ZNF804B: variants seen among roughly 807,000 people sequenced by gnomAD.
The protein encoded by ZNF804B is zinc finger protein 804B.
A neutral mutation model predicts 101.4 loss-of-function variants in ZNF804B; 80 were observed. That is an observed-to-expected ratio of 0.79 (90% CI 0.66 to 0.95). The LOEUF (loss-of-function observed/expected upper bound fraction) is 0.95. Among genes scored for constraint, ZNF804B ranks in the 40% least tolerant of loss-of-function variants. The pLI is 0.00. For missense variants in ZNF804B, 1,673 were observed against 1,561.9 expected, an observed-to-expected ratio of 1.07 and a Z score of -1.20; for synonymous variants, 622 against 558.8, an observed-to-expected ratio of 1.11 and a Z score of -1.59.
chr7:89,024,019 T>C (rs996131652), intron 1 of ZNF804B, among the ~76,000 whole-genome samples: 2 of 152,218 alleles, frequency 1.3e-5, no homozygotes, highest in African/African-American at 4.8e-5. Context: ...ATCACATATG[T>C]TCTCCTACAT....
intron 1 of ZNF804B, among the ~76,000 whole-genome samples, chr7:89,166,373 T>C (rs990911852): frequency 1.3e-5 from 2 of 152,192 alleles, no homozygotes; most frequent in African/African-American, 4.8e-5. Flanking sequence ...AATAACAATA[T>C]ATTAACACAT....
intron 1 of ZNF804B, among the ~76,000 whole-genome samples, chr7:88,876,479 CA>C (rs1271253022): frequency 6.6e-6 from 1 of 152,102 alleles, no homozygotes; most frequent in East Asian, 1.9e-4. Context: ...TCCCTTTGAT[CA>C]AAATATCTGT....
chr7:89,336,447 A>G lies in ZNF804B; in HGVS notation c.3465A>G (p.Ile1155Met). 6.2e-7 allele frequency: 1 copy of G among 1,614,086 alleles called. No individual in the cohort carries two copies. Among genetic ancestry groups the G allele is most frequent in the South Asian group, 1.1e-5 (1 of 91,084 alleles). The change falls in exon 4 of 4, where the codon ATA (isoleucine) becomes ATG (methionine). Residue 1155 changes from isoleucine (I) to methionine (M), a missense_variant. Coordinates refer to ENST00000333190, the MANE Select transcript of ZNF804B (RefSeq NM_181646.5). ...QQPITFSPDE[I>M]DKYKILQLQA... ...CCATAACATTTTCTCCTGACGAAAT[A>G]GATAAATATAAGATCCTACAGCTAC...
intron 1 of ZNF804B, among the ~76,000 whole-genome samples, chr7:88,956,696 A>T (rs1793315729): frequency 6.6e-6 from 1 of 151,498 alleles, no homozygotes; most frequent in Admixed American, 6.6e-5. Context: ...CAAGGAACAC[A>T]GAAAAAATAT....
At chr7:89,302,793 G>A (rs1032337754) in intron 2 of ZNF804B, among the ~76,000 whole-genome samples, 2 of 151,846 alleles carry the variant, frequency 1.3e-5, no homozygotes, top group Non-Finnish European at 2.9e-5. Flanking sequence ...TTCCCTTCAA[G>A]CACTGTAGCT....
chr7:89,140,451 A>G (rs1164171387), intron 1 of ZNF804B, among the ~76,000 whole-genome samples: 1 of 152,090 alleles, frequency 6.6e-6, no homozygotes. Context: ...ATCCAATAAA[A>G]GGCAATAGAA....
At chr7:89,033,528 A>G (rs2116235247) in intron 1 of ZNF804B, among the ~76,000 whole-genome samples, 1 of 152,224 alleles carries the variant, frequency 6.6e-6, no homozygotes, top group African/African-American at 2.4e-5. Flanking sequence ...TATTTTGTGG[A>G]ACCTACACAC....
At chr7:88,925,351 C>A (rs1264344014) in intron 1 of ZNF804B, among the ~76,000 whole-genome samples, 2 of 152,064 alleles carry the variant, frequency 1.3e-5, no homozygotes, top group Non-Finnish European at 2.9e-5. Flanking sequence ...AAGACCTAAC[C>A]CCAGTACTTC....
chr7:88,813,676 T>G (rs563836759), intron 1 of ZNF804B, among the ~76,000 whole-genome samples: 1 of 152,162 alleles, frequency 6.6e-6, no homozygotes, highest in East Asian at 1.9e-4. Flanking sequence ...GGAAAGAAGT[T>G]TATTGTGTTA....
intron 1 of ZNF804B, among the ~76,000 whole-genome samples, chr7:88,806,471 G>GT (rs1790694937): frequency 6.6e-6 from 1 of 151,942 alleles, no homozygotes; most frequent in Non-Finnish European, 1.5e-5. Context: ...GTTAACTTTC[G>GT]TATCTGGCAT....
intron 1 of ZNF804B, among the ~76,000 whole-genome samples, chr7:88,900,771 T>G (rs1364423472): frequency 6.6e-6 from 1 of 151,512 alleles, no homozygotes; most frequent in Non-Finnish European, 1.5e-5. Context: ...TATTTTTGTT[T>G]CTTTCCTATT....
intron 2 of ZNF804B, among the ~76,000 whole-genome samples, chr7:89,283,544 A>C (rs1007535117): frequency 6.6e-6 from 1 of 152,078 alleles, no homozygotes; most frequent in Non-Finnish European, 1.5e-5. Context: ...CTGCAGGGCT[A>C]TTTATTTCAT....
At position 89,337,780 on chromosome 7, in the gene ZNF804B, A is replaced by G. The variant is rs1425470018; in HGVS notation, c.*748A>G. 6.6e-6 allele frequency among the ~76,000 whole-genome samples: 1 copy of G among 152,122 alleles called. No homozygotes were observed. The highest frequency in any genetic ancestry group is 1.5e-5 in the Non-Finnish European group (1 of 67,980). ...AACTATCATTAGTATTTGATAATGC[A>G]AACTCAAAAATAAAACGTGCTCAGA... On this transcript the variant is annotated 3_prime_UTR_variant, in exon 4 of 4. Coordinates refer to ENST00000333190, the MANE Select transcript of ZNF804B (RefSeq NM_181646.5).
At chr7:88,775,060 GTT>G (rs2115642919) in intron 1 of ZNF804B, among the ~76,000 whole-genome samples, 1 of 152,318 alleles carries the variant, frequency 6.6e-6, no homozygotes, top group East Asian at 1.9e-4. Flanking sequence ...TGCTGTCTGT[GTT>G]AGTGGAGACT....
intron 1 of ZNF804B, among the ~76,000 whole-genome samples, chr7:89,191,011 T>C (rs1474551425): frequency 6.6e-6 from 1 of 152,192 alleles, no homozygotes; most frequent in Non-Finnish European, 1.5e-5. Flanking sequence ...CAATGTTTGC[T>C]TTATTTTCAG....
intron 1 of ZNF804B, among the ~76,000 whole-genome samples, chr7:88,791,026 C>T (rs77130648): frequency 8.5e-5 from 13 of 152,064 alleles, no homozygotes; most frequent in Admixed American, 2.0e-4. Context: ...AGCATTGTCA[C>T]GCTCTTTTTA....
intron 1 of ZNF804B, among the ~76,000 whole-genome samples, chr7:88,853,687 A>G (rs542814832): frequency 1.3e-5 from 2 of 152,250 alleles, no homozygotes; most frequent in East Asian, 3.9e-4. Flanking sequence ...ATGTGTATAT[A>G]TATTTTCACT....
intron 1 of ZNF804B, among the ~76,000 whole-genome samples, chr7:88,929,468 C>T (rs561242347): frequency 1.8e-4 from 27 of 151,996 alleles, no homozygotes; most frequent in African/African-American, 6.5e-4. Context: ...AGTCTTTATA[C>T]AGTTATCACC....
intron 1 of ZNF804B, among the ~76,000 whole-genome samples, chr7:89,138,935 T>A (rs1477273539): frequency 3.9e-5 from 6 of 152,080 alleles, no homozygotes. Flanking sequence ...CTCTTGTAAA[T>A]TGCCCAGTCT....
Sources: allele counts gnomAD v4.1 joint callset (sites outside exome capture counted in the v4.1 genomes callset), GRCh38; gene constraint gnomAD v4.1.1; transcripts MANE v1.5; gene names NCBI Gene and HGNC (gene_info 2026-07-23, HGNC 2026-07-21).